The following ST3GAL2 variants were observed in gnomAD, a reference collection of about 807,000 sequenced individuals.
ST3GAL2 encodes CMP-N-acetylneuraminate-beta-galactosamide-alpha-2,3-sialyltransferase 2.
ST3GAL2 carries 16 observed loss-of-function variants against 37.5 expected under a neutral mutation model. The observed-to-expected ratio is 0.43, with a 90% confidence interval of 0.29 to 0.65. The LOEUF (loss-of-function observed/expected upper bound fraction) is 0.65, where lower values mean the gene tolerates loss of function less well. Ranked by LOEUF, ST3GAL2 falls within the 30% of genes least tolerant of loss-of-function variation. The pLI, the probability that ST3GAL2 is intolerant of heterozygous loss-of-function variation, is 0.17. For synonymous variants in ST3GAL2, 238 were observed against 202.9 expected (o/e 1.17, Z -1.47); for missense variants, 383 against 487.8 (o/e 0.79, Z 2.02).
intron 1 of ST3GAL2, among the ~76,000 whole-genome samples, chr16:70,418,870 G>C (rs866112526): frequency 1.9e-4 from 29 of 152,254 alleles, no homozygotes; most frequent in Middle Eastern, 3.4e-3. Context: ...ACCTGGGGCA[G>C]GAAATCAGCT....
chr16:70,416,760 G>A (rs1453682431), intron 1 of ST3GAL2, among the ~76,000 whole-genome samples: 2 of 147,560 alleles, frequency 1.4e-5, no homozygotes, highest in African/African-American at 5.3e-5. Context: ...GAGACCTCAG[G>A]TACAAACCAA....
In ST3GAL2 at chr16:70,398,609, C is replaced by G; in HGVS notation, c.-79G>C. 1 of 1,389,148 alleles carries G rather than the reference C, an allele frequency of 7.2e-7. No homozygotes were observed. The highest frequency in any genetic ancestry group is 9.7e-7 in the Non-Finnish European group (1 of 1,032,502). The allele number at this position is 1,389,148 out of a possible 1,614,324, so 86.1% of individuals were successfully genotyped here. A position where few individuals can be genotyped will look rare whatever the true frequency, so the allele number is the denominator to read the frequency against. ...AGGGGCCAGCCACGGCGTAGCCTGC[C>G]TATTCTGGCACCACATGCAAAGGGC... On this transcript the variant is annotated 5_prime_UTR_variant, in exon 2 of 7. The change abolishes the stop of an existing upstream ORF in the 5' untranslated region. Transcript: ENST00000342907.
Position 70,381,803 on chromosome 16 carries a change from G to T in ST3GAL2, c.939C>A (p.Asn313Lys), listed in dbSNP as rs1052364107. Residue 313 changes from asparagine (N) to lysine (K), a missense_variant, in exon 7 of 7, where the codon AAC (asparagine) becomes AAA (lysine). By Grantham distance (94) the Asn-to-Lys change is moderately conservative (BLOSUM62 0). Around this residue, in one of 2 missense-constraint regions of ST3GAL2, gnomAD observed 160 missense variants for 248.6 expected, o/e 0.64. Transcript: ENST00000342907. Reference sequence around the variant, plus strand: ...TCCGGAACTCGCCCGCGTACCGGTTGTTCTCCCAGTAGTGGTGCCAGTTGC... The same window carrying T: ...TCCGGAACTCGCCCGCGTACCGGTTTTTCTCCCAGTAGTGGTGCCAGTTGC... Reference protein sequence around the residue: ...SRGNWHHYWENNRYAGEFRKT... With the variant: ...SRGNWHHYWEKNRYAGEFRKT... 1.2e-6 allele frequency: 2 copies of T among 1,614,104 alleles called. No homozygotes were observed. The highest frequency in any genetic ancestry group is 1.7e-6 in the Non-Finnish European group (2 of 1,179,960).
At position 70,399,213 on chromosome 16, in the gene ST3GAL2, T is replaced by C. The variant is rs2047538674; in HGVS notation, c.-683A>G. 2 of 398,844 alleles carry C rather than the reference T, an allele frequency of 5.0e-6. No individual in the cohort carries two copies. Among genetic ancestry groups the C allele is most frequent in the Non-Finnish European group, 8.8e-6 (2 of 226,230 alleles). The allele number at this position is 398,844 out of a possible 1,614,324, so 24.7% of individuals were successfully genotyped here. A position where few individuals can be genotyped will look rare whatever the true frequency, so the allele number is the denominator to read the frequency against. On this transcript the variant is annotated 5_prime_UTR_variant, in exon 2 of 7. An upstream start codon of the reference 5' UTR is lost. Coordinates refer to ENST00000342907, the MANE Select transcript of ST3GAL2 (RefSeq NM_006927.4). ...GTAGGTCTTGCCCTTCTGCTTCCCA[T>C]CTGAGGTGCTGGTCCCTTCTCCTGG...
chr16:70,415,794 CAG>C (rs1350891393), intron 1 of ST3GAL2, among the ~76,000 whole-genome samples: 1 of 111,890 alleles, frequency 8.9e-6, no homozygotes, highest in African/African-American at 3.4e-5. Context: ...TTTTCTGAAA[CAG>C]AGTCTCAGTC....
chr16:70,420,797 T>C (rs535226462), intron 1 of ST3GAL2, among the ~76,000 whole-genome samples: 3 of 152,320 alleles, frequency 2.0e-5, no homozygotes, highest in Middle Eastern at 3.4e-3. Context: ...AGGAAGGTGT[T>C]TGCATCCATG....
intron 3 of ST3GAL2, among the ~76,000 whole-genome samples, chr16:70,393,417 G>A (rs1259967220): frequency 1.3e-5 from 2 of 152,112 alleles, no homozygotes; most frequent in East Asian, 1.9e-4. Context: ...TGACAGTACC[G>A]GCCAGATGAC....
chr16:70,434,579 GCTGT>G (rs1224949582), intron 1 of ST3GAL2, among the ~76,000 whole-genome samples: 1 of 152,242 alleles, frequency 6.6e-6, no homozygotes, highest in South Asian at 2.1e-4. Context: ...AGATCCTCCT[GCTGT>G]CTGTTTGGGC....
chr16:70,439,022 T>TCGCCGCCGCCGCCGCCGCCGC lies in ST3GAL2; in HGVS notation c.-1098_-1078dup, dbSNP rs567688682. The TCGCCGCCGCCGCCGCCGCCGC allele has an allele frequency of 1.9e-5, 3 of 156,606 alleles. No individual in the cohort carries two copies. In the South Asian group the frequency reaches 5.4e-4, roughly 28 times the overall value. The allele number at this position is 156,606 out of a possible 1,614,324, so 9.7% of individuals were successfully genotyped here. A position where few individuals can be genotyped will look rare whatever the true frequency, so the allele number is the denominator to read the frequency against. ...CCGCCGCCGCCCGCGCAGAAAGCCG[T>TCGCCGCCGCCGCCGCCGCCGC]CGCCGCCGCCGCCGCCGCCGCCGCC... On this transcript the variant is annotated 5_prime_UTR_variant, in exon 1 of 7. Coordinates refer to ENST00000342907, the MANE Select transcript of ST3GAL2 (RefSeq NM_006927.4).
chr16:70,410,263 T>A (rs2047628170), intron 1 of ST3GAL2, among the ~76,000 whole-genome samples: 1 of 120,452 alleles, frequency 8.3e-6, no homozygotes, highest in Admixed American at 7.9e-5. Flanking sequence ...TTTTTTTTTT[T>A]TTTTTGAGAC....
At chr16:70,392,111 G>A (rs2047485980) in intron 3 of ST3GAL2, among the ~76,000 whole-genome samples, 1 of 152,204 alleles carries the variant, frequency 6.6e-6, no homozygotes, top group African/African-American at 2.4e-5. Context: ...TCCAGCGCCT[G>A]TGGCTGGCCA....
Position 70,407,260 on chromosome 16 carries a change from C to T in ST3GAL2, c.-1003-7727G>A, listed in dbSNP as rs557574414. ...GGTTCAAGCAATTCTCCTGCCCCAG[C>T]CTCCCAAGCAGCTGGCACTATAGGC... is the stretch of plus-strand genomic sequence containing the variant. On this transcript the variant is annotated intron_variant, in intron 1 of 6. Transcript: ENST00000342907. 2.2e-4 allele frequency among the ~76,000 whole-genome samples: 33 copies of T among 152,054 alleles called. 1 individual carries two copies. The highest frequency in any genetic ancestry group is 2.2e-3 in the Admixed American group (33 of 15,264).
At chr16:70,405,084 A>G (rs952495981) in intron 1 of ST3GAL2, among the ~76,000 whole-genome samples, 2 of 152,096 alleles carry the variant, frequency 1.3e-5, no homozygotes, top group Admixed American at 6.6e-5. Flanking sequence ...AGCATTATTC[A>G]TAAGAGTGCC....
chr16:70,430,846 T>C (rs2047784909), intron 1 of ST3GAL2, among the ~76,000 whole-genome samples: 1 of 152,094 alleles, frequency 6.6e-6, no homozygotes, highest in Non-Finnish European at 1.5e-5. Flanking sequence ...TCATTCCCTT[T>C]GGTTGCTGCC....
At chr16:70,410,556 C>T (rs2047630783) in intron 1 of ST3GAL2, among the ~76,000 whole-genome samples, 1 of 151,682 alleles carries the variant, frequency 6.6e-6, no homozygotes, top group Non-Finnish European at 1.5e-5. Flanking sequence ...CCCGGCCAAC[C>T]CTCACCACTT....
chr16:70,415,100 T>C (rs1032300309), intron 1 of ST3GAL2, among the ~76,000 whole-genome samples: 1 of 152,100 alleles, frequency 6.6e-6, no homozygotes, highest in Non-Finnish European at 1.5e-5. Flanking sequence ...GGTCTCGATC[T>C]CCTTACCTCG....
At chr16:70,418,985 A>C (rs571887705) in intron 1 of ST3GAL2, among the ~76,000 whole-genome samples, 103 of 152,222 alleles carry the variant, frequency 6.8e-4, no homozygotes, top group African/African-American at 2.4e-3. Context: ...ATGCTCTCCT[A>C]AAGGGCCCAA....
chr16:70,393,231 C>T (rs369345968), intron 3 of ST3GAL2, among the ~76,000 whole-genome samples: 2 of 152,184 alleles, frequency 1.3e-5, no homozygotes, highest in African/African-American at 4.8e-5. Context: ...TTACCCACCA[C>T]CACGCCCAGC....
rs193088382 is a variant in ST3GAL2 at position 70,437,364 on chromosome 16, G to A, written c.-1004+1585C>T. Among the ~76,000 whole-genome samples the A allele has an allele frequency of 1.5e-3, 224 of 152,256 alleles. 5 individuals carry two copies. The highest frequency in any genetic ancestry group is 4.9e-3 in the African/African-American group (203 of 41,548). On this transcript the variant is annotated intron_variant, in intron 1 of 6. Transcript: ENST00000342907. ...CTGGGAAGGGGGTTGCTGAAGCAGT[G>A]AACCATCTGGTTCAGATCAAGATTG...
Sources: gnomAD v4.1 joint callset for allele counts (sites outside exome capture counted in the v4.1 genomes callset) on GRCh38, gnomAD v4.1.1 for gene constraint, gnomAD v4.1.1 regional missense constraint, MANE v1.5 for transcripts, NCBI Gene and HGNC (gene_info 2026-07-23, HGNC 2026-07-21) for gene names.